The following FBXO31 variants were observed in gnomAD, a reference collection of about 807,000 sequenced individuals.
The protein encoded by FBXO31 is F-box only protein 31.
Under a neutral mutation model 54.4 loss-of-function variants are expected in FBXO31, and 24 were observed. The observed-to-expected ratio is 0.44, with a 90% CI of 0.32 to 0.62. The LOEUF (loss-of-function observed/expected upper bound fraction) is 0.62, where lower values mean the gene tolerates loss of function less well. Ranked by LOEUF, FBXO31 falls within the 20% of genes least tolerant of loss-of-function variation. The pLI is 0.05. For missense variants in FBXO31, 665 were observed against 787.1 expected, an observed-to-expected ratio of 0.84 and a Z score of 1.86; for synonymous variants, 388 against 335.6, an observed-to-expected ratio of 1.16 and a Z score of -1.71.
In FBXO31 at chr16:87,383,615, T is replaced by G; in HGVS notation, c.130A>C (p.Ile44Leu). Residue 44 changes from isoleucine (I) to leucine (L), a missense_variant, in exon 1 of 9, where the codon ATC (isoleucine) becomes CTC (leucine). Transcript: ENST00000311635. The surrounding 1 kb of genome is among the most constrained non-coding windows in gnomAD (Gnocchi z 4.9). ...CCCCCGACCCCGGCGCTAGCCTCGATGCGCTCCTCCTCGGGGTCTGTGTCC... is the reference window on the plus strand; with the variant it reads ...CCCCCGACCCCGGCGCTAGCCTCGAGGCGCTCCTCCTCGGGGTCTGTGTCC... ...EPDTDPEEER[I>L]EASAGVGGGL... 6.8e-7 allele frequency: 1 copy of G among 1,463,544 alleles called. No homozygotes were observed. The highest frequency in any genetic ancestry group is 1.5e-5 in the African/African-American group (1 of 67,440). The allele number at this position is 1,463,544 out of a possible 1,614,324, so 90.7% of individuals were successfully genotyped here.
At chr16:87,351,672 C>T (rs1419549807) in intron 2 of FBXO31, among the ~76,000 whole-genome samples, 1 of 152,148 alleles carries the variant, frequency 6.6e-6, no homozygotes, top group Non-Finnish European at 1.5e-5. Flanking sequence ...AGTTTAAGAC[C>T]AGCCTGGCCA....
Position 87,342,902 on chromosome 16 carries a change from TG to T in FBXO31, c.706del (p.His236ThrfsTer15). 6.2e-7 allele frequency: 1 copy of T among 1,606,938 alleles called. No individual in the cohort carries two copies. Among genetic ancestry groups the T allele is most frequent in the South Asian group, 1.1e-5 (1 of 89,158 alleles). On this transcript the variant is annotated frameshift_variant, in exon 5 of 9. Transcript: ENST00000311635. LOFTEE classifies it high-confidence loss of function. ...CTCCTGCCTCCCGCCGGACATCCTGTGGTGGTCCGTCTGGTTGCACTTGGTG... is the reference window on the plus strand; with the variant it reads ...CTCCTGCCTCCCGCCGGACATCCTGTGTGGTCCGTCTGGTTGCACTTGGTG... ...FSTKCNQTDH[H>X]RMSGGRQEEF...
At chr16:87,389,173 T>C (rs1907428892) in intron 1 of FBXO31, among the ~76,000 whole-genome samples, 1 of 151,872 alleles carries the variant, frequency 6.6e-6, no homozygotes, top group Admixed American at 6.6e-5. Flanking sequence ...ATATATATTA[T>C]TTAACTAAAT....
intron 1 of FBXO31, among the ~76,000 whole-genome samples, chr16:87,366,699 GAA>G (rs1248346553): frequency 1.3e-5 from 2 of 152,200 alleles, no homozygotes; most frequent in Non-Finnish European, 2.9e-5. Flanking sequence ...AGAAACTGAT[GAA>G]AGAGCTCCAG....
intron 2 of FBXO31, among the ~76,000 whole-genome samples, chr16:87,355,412 C>T (rs1327068980): frequency 6.6e-6 from 1 of 152,232 alleles, no homozygotes; most frequent in Non-Finnish European, 1.5e-5. Context: ...CAGCTGAATA[C>T]TGAAAACCCA....
intron 3 of FBXO31, among the ~76,000 whole-genome samples, chr16:87,344,911 C>A (rs1905315797): frequency 6.9e-6 from 1 of 144,758 alleles, no homozygotes; most frequent in Non-Finnish European, 1.5e-5. Flanking sequence ...CCATCCCTTC[C>A]CCAAACCCCA....
chr16:87,351,083 A>C (rs1478073210), intron 2 of FBXO31, among the ~76,000 whole-genome samples: 3 of 152,220 alleles, frequency 2.0e-5, no homozygotes, highest in Non-Finnish European at 2.9e-5. Flanking sequence ...GCGTGGCCAG[A>C]TGGGCTGCCA....
chr16:87,375,664 T>A (rs1457342407), intron 1 of FBXO31, among the ~76,000 whole-genome samples: 2 of 152,026 alleles, frequency 1.3e-5, no homozygotes, highest in African/African-American at 2.4e-5. Context: ...TTTATATTCC[T>A]CAGGCAAGGA....
At position 87,346,756 on chromosome 16, in the gene FBXO31, G is replaced by A. The variant is rs543431232; in HGVS notation, c.489+418C>T. Among the ~76,000 whole-genome samples the A allele has an allele frequency of 7.9e-5, 12 of 152,326 alleles. No individual in the cohort carries two copies. Among genetic ancestry groups the A allele is most frequent in the African/African-American group, 2.9e-4 (12 of 41,584 alleles). ...GGGCACAGGGGGCGGGAGGCAGGGT[G>A]GTCAGAGCGGGTCCACAGCAGAACC... On this transcript the variant is annotated intron_variant, in intron 3 of 8. Coordinates refer to ENST00000311635, the MANE Select transcript of FBXO31 (RefSeq NM_024735.5). This position sits in a 1 kb window ranked among gnomAD's most constrained non-coding sequence, Gnocchi z 4.2.
upstream of FBXO31, among the ~76,000 whole-genome samples, chr16:87,387,421 T>C (rs535940114): frequency 1.0e-3 from 156 of 152,356 alleles, 1 homozygote; most frequent in African/African-American, 3.7e-3. Flanking sequence ...TAGTGAGAAC[T>C]GATAACATCT....
At position 87,327,625 on chromosome 16, in the gene FBXO31, C is replaced by G. The variant is rs995593485; in HGVS notation, c.*3663G>C. The G allele has an allele frequency of 9.9e-5, 15 of 152,252 alleles. No homozygotes were observed. The highest frequency in any genetic ancestry group is 3.6e-4 in the African/African-American group (15 of 41,456). 9.4% of individuals were successfully genotyped at this position (152,252 alleles called of 1,614,324 possible). On this transcript the variant is annotated 3_prime_UTR_variant, in exon 9 of 9. Coordinates refer to ENST00000311635, the MANE Select transcript of FBXO31 (RefSeq NM_024735.5). Reference sequence around the variant, plus strand: ...GAGCCATGATCGCCGCTCTGCACTCCAGCCCAGGTGACAGAGCAAGACCCT... The same window carrying G: ...GAGCCATGATCGCCGCTCTGCACTCGAGCCCAGGTGACAGAGCAAGACCCT...
At chr16:87,347,061 C>G in intron 3 of FBXO31, 113 bp downstream of exon 3, 4 of 945,294 alleles carry the variant, frequency 4.2e-6, no homozygotes, top group Non-Finnish European at 6.8e-6. Flanking sequence ...GTAATTACCT[C>G]AAACGCACAT....
At position 87,335,556 on chromosome 16, in the gene FBXO31, G is replaced by C; in HGVS notation, c.843-99C>G. ...GATGAGCTTTGCAGGGCGGGGTAGG[G>C]CGGGCAGCTCAGCTCAACCAGGGCC... On this transcript the variant is annotated intron_variant, in intron 6 of 8. Coordinates refer to ENST00000311635, the MANE Select transcript of FBXO31 (RefSeq NM_024735.5). This position sits in a 1 kb window ranked among gnomAD's most constrained non-coding sequence, Gnocchi z 5.7. 9.0e-7 allele frequency: 1 copy of C among 1,113,316 alleles called. No individual in the cohort carries two copies. The allele number at this position is 1,113,316 out of a possible 1,614,324, so 69.0% of individuals were successfully genotyped here.
At chr16:87,344,710 G>A (rs935128439) in intron 3 of FBXO31, among the ~76,000 whole-genome samples, 3 of 152,034 alleles carry the variant, frequency 2.0e-5, no homozygotes, top group Non-Finnish European at 4.4e-5. Flanking sequence ...TAAAAGAAAG[G>A]AAAGCAATCT....
At chr16:87,376,563 C>T (rs1226438048) in intron 1 of FBXO31, among the ~76,000 whole-genome samples, 1 of 152,190 alleles carries the variant, frequency 6.6e-6, no homozygotes, top group Non-Finnish European at 1.5e-5. Flanking sequence ...GTATGAGACA[C>T]CACACCTGGC....
chr16:87,329,771 G>A lies in FBXO31; in HGVS notation c.*1517C>T, dbSNP rs1026420095. On this transcript the variant is annotated 3_prime_UTR_variant, in exon 9 of 9. Coordinates refer to ENST00000311635, the MANE Select transcript of FBXO31 (RefSeq NM_024735.5). ...TTCTCGTGAGTCTTTCTCCCAGGCC[G>A]GCCAGATTACCATTTAGGAACCTTT... is the stretch of plus-strand genomic sequence containing the variant. 1 of 152,236 alleles carries A rather than the reference G, an allele frequency of 6.6e-6. No homozygotes were observed. The highest frequency in any genetic ancestry group is 1.5e-5 in the Non-Finnish European group (1 of 68,050). The allele number at this position is 152,236 out of a possible 1,614,324, so 9.4% of individuals were successfully genotyped here.
upstream of FBXO31, chr16:87,383,851 G>C: frequency 1.2e-6 from 1 of 836,458 alleles, no homozygotes; most frequent in Non-Finnish European, 1.5e-6. The surrounding 1 kb of genome is among the most constrained non-coding windows in gnomAD (Gnocchi z 4.9). Flanking sequence ...ACGCCCCCTG[G>C]AGAGCCTAGC....
chr16:87,345,404 C>T lies in FBXO31; in HGVS notation c.490-1639G>A, dbSNP rs1250104933. Among the ~76,000 whole-genome samples, 2 of 152,118 alleles carry T rather than the reference C, an allele frequency of 1.3e-5. No homozygotes were observed. The highest frequency in any genetic ancestry group is 2.9e-5 in the Non-Finnish European group (2 of 68,018). ...GGAAGCCATGCAGACTCCATGCAGA[C>T]ACTGGCACCACGCAGAGCCCGCAGA... On this transcript the variant is annotated intron_variant, in intron 3 of 8. Transcript: ENST00000311635. The surrounding 1 kb of genome is among the most constrained non-coding windows in gnomAD (Gnocchi z 4.9).
chr16:87,364,612 G>A (rs1017920422), intron 1 of FBXO31, among the ~76,000 whole-genome samples: 6 of 152,150 alleles, frequency 3.9e-5, no homozygotes, highest in Non-Finnish European at 8.8e-5. Context: ...TGAGGGACGC[G>A]TCACCCCAGG....
Sources: gnomAD v4.1 joint callset for allele counts (sites outside exome capture counted in the v4.1 genomes callset) on GRCh38, gnomAD v4.1.1 for gene constraint, Gnocchi (gnomAD v3.1) non-coding constraint, MANE v1.5 for transcripts, NCBI Gene and HGNC (gene_info 2026-07-23, HGNC 2026-07-21) for gene names.